IL1RAPL1: variants seen among roughly 807,000 people sequenced by gnomAD.
The protein encoded by IL1RAPL1 is interleukin-1 receptor accessory protein-like 1.
IL1RAPL1 carries 3 observed loss-of-function variants against 48.4 expected under a neutral mutation model. That is an observed-to-expected ratio of 0.06 (90% CI 0.03 to 0.16). IL1RAPL1 has a LOEUF of 0.16. Among genes scored for constraint, IL1RAPL1 ranks in the 10% least tolerant of loss-of-function variants. IL1RAPL1 has a pLI of 1.00. For missense variants in IL1RAPL1, 349 were observed against 530.6 expected (o/e 0.66, Z 3.36); for synonymous variants, 185 against 187.7 (o/e 0.99, Z 0.12).
At chrX:29,670,526 C>T (rs1429000000) in intron 6 of IL1RAPL1, among the ~76,000 whole-genome samples, 1 of 111,522 alleles carries the variant, frequency 9.0e-6, no homozygotes, top group Non-Finnish European at 1.9e-5. Flanking sequence ...AGAAATTCAA[C>T]CTTAATCTTT....
chrX:29,617,516 G>T (rs1262640050), intron 5 of IL1RAPL1, among the ~76,000 whole-genome samples: 4 of 111,877 alleles, frequency 3.6e-5, no homozygotes, highest in Non-Finnish European at 7.5e-5. Flanking sequence ...GTTTATTTAG[G>T]TCAGGAGCTA....
intron 3 of IL1RAPL1, among the ~76,000 whole-genome samples, chrX:29,298,409 C>A (rs144409751): frequency 0.038 from 4,222 of 111,827 alleles, 210 homozygotes; most frequent in African/African-American, 0.13. Context: ...AATCTGACTA[C>A]TTCTGAGGTT....
intron 2 of IL1RAPL1, among the ~76,000 whole-genome samples, chrX:29,045,964 CCTT>C (rs1234551232): frequency 5.1e-5 from 3 of 59,042 alleles, no homozygotes; most frequent in East Asian, 7.6e-4. Flanking sequence ...TCCTCCTCCT[CCTT>C]CTTCTCCTCC....
chrX:29,000,737 A>G (rs1277284604), intron 2 of IL1RAPL1, among the ~76,000 whole-genome samples: 1 of 111,703 alleles, frequency 9.0e-6, no homozygotes, highest in East Asian at 2.8e-4. Flanking sequence ...AACTAATCTT[A>G]AAGACACTGA....
intron 5 of IL1RAPL1, among the ~76,000 whole-genome samples, chrX:29,554,462 G>C (rs934068299): frequency 9.0e-6 from 1 of 111,152 alleles, no homozygotes. Context: ...AAGGAAACTC[G>C]TATTTTCTTT....
intron 2 of IL1RAPL1, among the ~76,000 whole-genome samples, chrX:28,953,397 T>A (rs1005421380): frequency 9.0e-6 from 1 of 111,675 alleles, no homozygotes; most frequent in Non-Finnish European, 1.9e-5. Context: ...TATGTTTTAT[T>A]CCATTTGGAA....
chrX:29,932,474 A>C (rs1932963154), intron 8 of IL1RAPL1, among the ~76,000 whole-genome samples: 1 of 112,140 alleles, frequency 8.9e-6, no homozygotes, highest in African/African-American at 3.2e-5. Context: ...AAGATAACAT[A>C]TTCTAGCTGA....
intron 1 of IL1RAPL1, among the ~76,000 whole-genome samples, chrX:28,769,854 T>G (rs1936290992): frequency 8.9e-6 from 1 of 111,996 alleles, no homozygotes; most frequent in African/African-American, 3.2e-5. Context: ...TTATATAATT[T>G]TAAACATTCC....
chrX:28,987,948 A>G (rs1255883461), intron 2 of IL1RAPL1, among the ~76,000 whole-genome samples: 1 of 112,126 alleles, frequency 8.9e-6, no homozygotes, highest in African/African-American at 3.2e-5. Context: ...TCAAAGGGCT[A>G]TATTGCAGCA....
intron 1 of IL1RAPL1, among the ~76,000 whole-genome samples, chrX:28,656,934 G>T (rs1857943141): frequency 9.3e-6 from 1 of 107,569 alleles, no homozygotes; most frequent in African/African-American, 3.4e-5. Context: ...GCTGAGGCAG[G>T]AGAATGGCAT....
chrX:28,856,967 C>T (rs891077977), intron 2 of IL1RAPL1, among the ~76,000 whole-genome samples: 1 of 111,698 alleles, frequency 9.0e-6, no homozygotes, highest in Non-Finnish European at 1.9e-5. Context: ...GCCAAACAGC[C>T]AAGTTATGAA....
chrX:29,355,080 C>T (rs1198242845), intron 3 of IL1RAPL1, among the ~76,000 whole-genome samples: 1 of 111,842 alleles, frequency 8.9e-6, no homozygotes, highest in African/African-American at 3.2e-5. Flanking sequence ...CCATTTCCTT[C>T]TTCATTAATA....
At chrX:29,381,826 AAAAAAAAAT>A (rs1453136078) in intron 3 of IL1RAPL1, among the ~76,000 whole-genome samples, 5 of 84,704 alleles carry the variant, frequency 5.9e-5, no homozygotes, top group African/African-American at 2.4e-4. Flanking sequence ...AAAAAAAAAA[AAAAAAAAAT>A]ATATATATAT....
At chrX:28,860,619 G>A (rs1353098300) in intron 2 of IL1RAPL1, among the ~76,000 whole-genome samples, 6 of 108,839 alleles carry the variant, frequency 5.5e-5, no homozygotes, top group Non-Finnish European at 9.5e-5. Flanking sequence ...CACCACACCC[G>A]GCTAATTTTT....
chrX:29,703,165 A>C (rs1927099944), intron 6 of IL1RAPL1, among the ~76,000 whole-genome samples: 1 of 111,633 alleles, frequency 9.0e-6, no homozygotes, highest in African/African-American at 3.3e-5. Context: ...ACTGGATTTT[A>C]TATATACGCA....
chrX:28,822,476 C>T (rs911902221), intron 2 of IL1RAPL1, among the ~76,000 whole-genome samples: 5 of 111,898 alleles, frequency 4.5e-5, no homozygotes, highest in African/African-American at 9.7e-5. Context: ...CTATCAGATA[C>T]AAGGAACTGT....
chrX:28,963,878 C>G (rs1445194463), intron 2 of IL1RAPL1, among the ~76,000 whole-genome samples: 1 of 110,919 alleles, frequency 9.0e-6, no homozygotes, highest in South Asian at 3.7e-4. Context: ...TCACCCTACC[C>G]CACCTTCTTG....
At chrX:29,781,006 C>A (rs1006950601) in intron 6 of IL1RAPL1, among the ~76,000 whole-genome samples, 1 of 110,795 alleles carries the variant, frequency 9.0e-6, no homozygotes, top group Admixed American at 9.6e-5. Context: ...ATTAAAAAAA[C>A]CCACAAAACT....
intron 2 of IL1RAPL1, among the ~76,000 whole-genome samples, chrX:28,949,252 T>G (rs1175448626): frequency 9.0e-6 from 1 of 110,819 alleles, no homozygotes; most frequent in Non-Finnish European, 1.9e-5. Context: ...AGAAAAATGT[T>G]AAATTGAGAA....
Sources: gnomAD v4.1 joint callset for allele counts (sites outside exome capture counted in the v4.1 genomes callset) on GRCh38, gnomAD v4.1.1 for gene constraint, MANE v1.5 for transcripts, NCBI Gene and HGNC (gene_info 2026-07-23, HGNC 2026-07-21) for gene names.